CMTM6: variants seen among roughly 807,000 people sequenced by gnomAD.
CMTM6 encodes the protein CKLF like MARVEL transmembrane domain containing 6.
CMTM6 carries 5 observed loss-of-function variants against 13.6 expected under a neutral mutation model. The observed-to-expected ratio is 0.37, with a 90% confidence interval of 0.19 to 0.77. The LOEUF (loss-of-function observed/expected upper bound fraction) is 0.77, where lower values mean the gene tolerates loss of function less well. Among genes scored for constraint, CMTM6 ranks in the 30% least tolerant of loss-of-function variants. The pLI is 0.50. For synonymous variants in CMTM6, 99 were observed against 84.5 expected (o/e 1.17, Z -0.94); for missense variants, 196 against 218.6 (o/e 0.90, Z 0.65).
rs1466162845 is a variant in CMTM6, at chr3:32,497,714, C to T, written c.138+4894G>A. On this transcript the variant is annotated intron_variant, in intron 1 of 3. Transcript: ENST00000205636. ...CTCTATCAAAAATACAAAAATTAGCCGGGCATGGTGGTGCACGCCTGTAGT... is the reference window on the plus strand; with the variant it reads ...CTCTATCAAAAATACAAAAATTAGCTGGGCATGGTGGTGCACGCCTGTAGT... 5.9e-5 allele frequency among the ~76,000 whole-genome samples: 9 copies of T among 151,792 alleles called. No individual in the cohort carries two copies. The East Asian group carries it at 9.7e-4, about 16-fold the overall frequency.
chr3:32,499,588 T>TG (rs1697328161), intron 1 of CMTM6, among the ~76,000 whole-genome samples: 1 of 152,124 alleles, frequency 6.6e-6, no homozygotes, highest in Non-Finnish European at 1.5e-5. Context: ...AACATGAACA[T>TG]GTGGACAAAT....
At chr3:32,495,980 CTTCT>C (rs1395567346) in intron 1 of CMTM6, among the ~76,000 whole-genome samples, 3 of 152,150 alleles carry the variant, frequency 2.0e-5, no homozygotes, top group Admixed American at 6.5e-5. Flanking sequence ...CACTTGAGGC[CTTCT>C]GGCCAACCTG....
At position 32,502,701 on chromosome 3, in the gene CMTM6, C is replaced by G; in HGVS notation, c.45G>C (p.Pro15=). 6.3e-7 allele frequency: 1 copy of G among 1,583,778 alleles called. No individual in the cohort carries two copies. Among genetic ancestry groups the G allele is most frequent in the Non-Finnish European group, 8.6e-7 (1 of 1,167,720 alleles). ...AVYSPTTEED[P]GPARGPRSGL... is the part of the protein sequence containing the mutation. ...CGCTCCGGGGGCCTCTGGCGGGGCC[C>G]GGGTCCTCCTCCGTAGTGGGGCTGT... Residue 15 remains proline (P), a synonymous_variant, in exon 1 of 4, where the codon CCG becomes CCC. Transcript: ENST00000205636.
rs538526408 is a variant in CMTM6 at position 32,491,874 on chromosome 3, G to C, written c.151C>G (p.Leu51Val). 3.1e-6 allele frequency: 5 copies of C among 1,604,990 alleles called. No homozygotes were observed. Among genetic ancestry groups the C allele is most frequent in the South Asian group, 2.2e-5 (2 of 89,922 alleles). The change falls in exon 2 of 4, where the codon CTG becomes GTG. Residue 51 changes from leucine (L) to valine (V), a missense_variant. Around this residue, in one of 2 missense-constraint regions of CMTM6, gnomAD observed 111 missense variants for 160.0 expected, o/e 0.69. Coordinates refer to ENST00000205636, the MANE Select transcript of CMTM6 (RefSeq NM_017801.3). Reference protein sequence around the residue: ...LKGLQLLLSLLAFICEEVVSQ... With the variant: ...LKGLQLLLSLVAFICEEVVSQ... ...ACAACTTCTTCACAGATGAAGGCCA[G>C]CAGAGACAGCAACTACAAATGAAGC... is the stretch of plus-strand genomic sequence containing the variant.
intron 2 of CMTM6, among the ~76,000 whole-genome samples, chr3:32,489,554 G>A (rs1176723046): frequency 1.3e-5 from 2 of 151,474 alleles, no homozygotes; most frequent in African/African-American, 2.4e-5. Context: ...GGGAGGCTGA[G>A]GCAGGAGAAT....
intron 1 of CMTM6, among the ~76,000 whole-genome samples, chr3:32,496,918 A>G (rs1381203108): frequency 2.6e-5 from 4 of 152,162 alleles, no homozygotes; most frequent in African/African-American, 9.7e-5. Context: ...ATGCAAGGGA[A>G]TATGGATGTT....
chr3:32,499,116 G>C (rs1697324049), intron 1 of CMTM6, among the ~76,000 whole-genome samples: 1 of 152,120 alleles, frequency 6.6e-6, no homozygotes, highest in Non-Finnish European at 1.5e-5. Flanking sequence ...CCATTGGTCT[G>C]AAGAAACAGG....
rs1020023375 is a variant in CMTM6 at position 32,483,814 on chromosome 3, A to G, written c.*146T>C. Reference sequence around the variant, plus strand: ...CCTACTTTGTGGTGACTGACACAATATTGATAAAACTGCCTTCTTGACCTT... The same window carrying G: ...CCTACTTTGTGGTGACTGACACAATGTTGATAAAACTGCCTTCTTGACCTT... On this transcript the variant is annotated 3_prime_UTR_variant, in exon 4 of 4. Coordinates refer to ENST00000205636, the MANE Select transcript of CMTM6 (RefSeq NM_017801.3). 1.7e-5 allele frequency: 13 copies of G among 786,914 alleles called. No homozygotes were observed. Among genetic ancestry groups the G allele is most frequent in the African/African-American group, 3.6e-5 (2 of 56,234 alleles). The allele number at this position is 786,914 out of a possible 1,614,324, so 48.7% of individuals were successfully genotyped here.
chr3:32,487,710 G>A (rs1697217427), intron 3 of CMTM6: 4 of 390,798 alleles, frequency 1.0e-5, no homozygotes, highest in East Asian at 4.0e-5. Flanking sequence ...CACACGGTAT[G>A]TGGAGTAAGT....
chr3:32,501,705 T>TA (rs1316305837), intron 1 of CMTM6, among the ~76,000 whole-genome samples: 1 of 152,200 alleles, frequency 6.6e-6, no homozygotes, highest in Non-Finnish European at 1.5e-5. Flanking sequence ...TTAGAATGGT[T>TA]AAAAAACAAA....
rs565261060 is a variant in CMTM6, at chr3:32,486,429, C to T, written c.414+1509G>A. The stretch of plus-strand genomic sequence containing the variant: ...GTAAGACTACTTAGTCTTTTCTTAT[C>T]CCTTTTACTATAAATATTCATATGT... On this transcript the variant is annotated intron_variant, in intron 3 of 3. Coordinates refer to ENST00000205636, the MANE Select transcript of CMTM6 (RefSeq NM_017801.3). Among the ~76,000 whole-genome samples the T allele has an allele frequency of 2.2e-4, 34 of 152,162 alleles. No individual in the cohort carries two copies. The South Asian group carries it at 6.0e-3, about 27-fold the overall frequency.
intron 2 of CMTM6, among the ~76,000 whole-genome samples, chr3:32,489,771 T>C (rs1424619091): frequency 6.6e-6 from 1 of 152,194 alleles, no homozygotes; most frequent in Non-Finnish European, 1.5e-5. Flanking sequence ...TAAAATTCTA[T>C]TTACTAATAT....
intron 3 of CMTM6, 61 bp from the exon 4 acceptor site, chr3:32,484,158 A>G (rs1278466426): frequency 2.3e-5 from 30 of 1,329,742 alleles, no homozygotes; most frequent in Middle Eastern, 2.3e-4. Flanking sequence ...TACATTTCCT[A>G]CTTGGCTTGG....
At position 32,491,872 on chromosome 3, in the gene CMTM6, C is replaced by A; in HGVS notation, c.153G>T (p.Leu51=). 1.2e-6 allele frequency: 2 copies of A among 1,604,954 alleles called. No individual in the cohort carries two copies. The highest frequency in any genetic ancestry group is 1.7e-6 in the Non-Finnish European group (2 of 1,177,186). The change falls in exon 2 of 4, where the codon CTG becomes CTT. Residue 51 remains leucine (L), a synonymous_variant. Transcript: ENST00000205636. ...LKGLQLLLSL[L]AFICEEVVSQ... Reference sequence around the variant, plus strand: ...ATACAACTTCTTCACAGATGAAGGCCAGCAGAGACAGCAACTACAAATGAA... The same window carrying A: ...ATACAACTTCTTCACAGATGAAGGCAAGCAGAGACAGCAACTACAAATGAA...
rs1292889674 is a variant in CMTM6 at position 32,482,056 on chromosome 3, TTAGTC to T, written c.*1899_*1903del. The T allele has an allele frequency of 3.9e-5, 6 of 152,158 alleles. No individual in the cohort carries two copies. The highest frequency in any genetic ancestry group is 7.3e-5 in the Non-Finnish European group (5 of 68,030). 9.4% of individuals were successfully genotyped at this position (152,158 alleles called of 1,614,324 possible). ...CAATGGTACAGTCTGATGTGAAACT[TTAGTC>T]TACCTACCATAAACTCGTTTTCTGA... On this transcript the variant is annotated 3_prime_UTR_variant, in exon 4 of 4. Transcript: ENST00000205636.
In CMTM6 at chr3:32,502,648, C is replaced by G; in HGVS notation, c.98G>C (p.Arg33Pro). The G allele has an allele frequency of 6.3e-7, 1 of 1,595,604 alleles. No individual in the cohort carries two copies. The highest frequency in any genetic ancestry group is 8.5e-7 in the Non-Finnish European group (1 of 1,172,814). The stretch of plus-strand genomic sequence containing the variant: ...GAGAACGCGCCGGAGCAATGGGAGC[C>G]GGCCCATGAAAAAGTAGGCAGCGAG... Reference protein sequence around the residue: ...SGLAAYFFMGRLPLLRRVLKG... With the variant: ...SGLAAYFFMGPLPLLRRVLKG... Residue 33 changes from arginine to proline, a missense_variant, in exon 1 of 4, where the codon CGG (arginine) becomes CCG (proline). Arg to Pro is a moderately radical substitution (Grantham distance 103). This residue lies in a region of CMTM6 where 85 missense variants were observed against 58.7 expected (regional missense o/e 1.45). Transcript: ENST00000205636.
intron 2 of CMTM6, among the ~76,000 whole-genome samples, chr3:32,488,915 A>G (rs1466515908): frequency 1.3e-5 from 2 of 152,208 alleles, no homozygotes; most frequent in African/African-American, 4.8e-5. Context: ...AGCCACTCCA[A>G]AGGGTTTTAA....
At chr3:32,497,585 C>T (rs1697307529) in intron 1 of CMTM6, among the ~76,000 whole-genome samples, 1 of 149,030 alleles carries the variant, frequency 6.7e-6, no homozygotes, top group African/African-American at 2.5e-5. Flanking sequence ...GTTGGCCGGG[C>T]GCGGTGGCTC....
At chr3:32,501,287 C>G (rs138786431) in intron 1 of CMTM6, among the ~76,000 whole-genome samples, 2 of 150,868 alleles carry the variant, frequency 1.3e-5, no homozygotes, top group East Asian at 3.9e-4. Context: ...CAGAGAAATA[C>G]AGCTAATACC....
Sources: gnomAD v4.1 joint callset for allele counts (sites outside exome capture counted in the v4.1 genomes callset) on GRCh38, gnomAD v4.1.1 for gene constraint, gnomAD v4.1.1 regional missense constraint, MANE v1.5 for transcripts, NCBI Gene and HGNC (gene_info 2026-07-23, HGNC 2026-07-21) for gene names.